Variants in HSDL2 observed in about 807,000 individuals in gnomAD.
HSDL2 encodes hydroxysteroid dehydrogenase-like protein 2.
Under a neutral mutation model 46.3 loss-of-function variants are expected in HSDL2, and 27 were observed. The ratio of observed to expected loss-of-function variants is 0.58; its 90% CI spans 0.43 to 0.80. HSDL2 has a LOEUF of 0.80. HSDL2 is among the 30% of genes least tolerant of loss of function. The pLI is 0.00. For synonymous variants in HSDL2, 153 were observed against 163.6 expected (o/e 0.94, Z 0.50); for missense variants, 451 against 502.7 (o/e 0.90, Z 0.98).
At chr9:112,462,983 G>A (rs1370242202) in intron 10 of HSDL2, among the ~76,000 whole-genome samples, 1 of 152,092 alleles carries the variant, frequency 6.6e-6, no homozygotes, top group Non-Finnish European at 1.5e-5. Context: ...ACTTAGCATA[G>A]GCTTTTGATA....
chr9:112,425,935 C>A (rs1251463374), intron 6 of HSDL2, among the ~76,000 whole-genome samples: 2 of 151,948 alleles, frequency 1.3e-5, no homozygotes, highest in Non-Finnish European at 2.9e-5. Context: ...GAGATGGGGT[C>A]TTGCCATGTT....
chr9:112,396,537 A>G (rs1378269645), intron 1 of HSDL2, among the ~76,000 whole-genome samples: 1 of 152,170 alleles, frequency 6.6e-6, no homozygotes, highest in East Asian at 1.9e-4. Context: ...TAATTGAGCA[A>G]TTGACTCACC....
At chr9:112,401,352 A>G (rs1831587664) in intron 1 of HSDL2, among the ~76,000 whole-genome samples, 1 of 141,316 alleles carries the variant, frequency 7.1e-6, no homozygotes, top group African/African-American at 2.6e-5. Context: ...TAGCTACTTG[A>G]GTGGTGAGGC....
In HSDL2 at chr9:112,430,636, T is replaced by G. The variant is rs1165022472; in HGVS notation, c.599-7795T>G. ...CAGATTTTGGTGGCTGTGACCAGGATGACAGCAGTAAAGGTGGTGGACAGT... is the reference window on the plus strand; with the variant it reads ...CAGATTTTGGTGGCTGTGACCAGGAGGACAGCAGTAAAGGTGGTGGACAGT... On this transcript the variant is annotated intron_variant, in intron 6 of 10. Transcript: ENST00000398805. Among the ~76,000 whole-genome samples, 3 of 152,192 alleles carry G rather than the reference T, an allele frequency of 2.0e-5. No homozygotes were observed. In the East Asian group the frequency reaches 5.8e-4, roughly 29 times the overall value.
intron 6 of HSDL2, among the ~76,000 whole-genome samples, chr9:112,424,295 G>A (rs74747071): frequency 0.45 from 67,644 of 149,168 alleles, 15,645 homozygotes; most frequent in South Asian, 0.52. Flanking sequence ...CACTCCAGCC[G>A]GGGCGACAGA....
In HSDL2 at chr9:112,438,570, A is replaced by C; in HGVS notation, c.738A>C (p.Glu246Asp). 1 of 1,610,856 alleles carries C rather than the reference A, an allele frequency of 6.2e-7. No homozygotes were observed. The highest frequency in any genetic ancestry group is 8.5e-7 in the Non-Finnish European group (1 of 1,178,194). ...TTACTGGCAACTTTGTCATTGATGA[A>C]AATATCTTAAAAGAAGAAGGAATAG... ...KSFTGNFVIDENILKEEGIEN... is the reference protein window; with the variant it reads ...KSFTGNFVIDDNILKEEGIEN... The change falls in exon 7 of 11, where the codon GAA becomes GAC. Residue 246 changes from glutamate (E) to aspartate (D), a missense_variant. Glu to Asp is a conservative substitution (Grantham distance 45). Transcript: ENST00000398805.
chr9:112,433,743 TTAGACGA>T (rs1389454776), intron 6 of HSDL2: 1 of 152,292 alleles, frequency 6.6e-6, no homozygotes, highest in African/African-American at 2.4e-5. Flanking sequence ...TCTCCTCATC[TTAGACGA>T]CAGCGTAGAG....
intron 6 of HSDL2, among the ~76,000 whole-genome samples, chr9:112,424,300 G>A (rs1164433356): frequency 7.6e-5 from 11 of 144,440 alleles, no homozygotes; most frequent in South Asian, 6.5e-4. Flanking sequence ...CAGCCGGGGC[G>A]ACAGAGCGAG....
rs577377517 is a variant in HSDL2 at position 112,390,332 on chromosome 9, G to A, written c.17+10152G>A. Among the ~76,000 whole-genome samples the A allele has an allele frequency of 1.2e-4, 18 of 152,256 alleles. No homozygotes were observed. In the East Asian group the frequency reaches 3.3e-3, roughly 28 times the overall value. On this transcript the variant is annotated intron_variant, in intron 1 of 10. Coordinates refer to ENST00000398805, the MANE Select transcript of HSDL2 (RefSeq NM_032303.5). ...TTTATGACAGAGCTGATATTGAAGA[G>A]CAGTGGGAAAGATGGGCATTTCAGA...
intron 1 of HSDL2, among the ~76,000 whole-genome samples, chr9:112,381,086 G>GACACACACACAC (rs1336369359): frequency 4.9e-5 from 1 of 20,530 alleles, no homozygotes; most frequent in African/African-American, 2.4e-4. Context: ...TATACATCCG[G>GACACACACACAC]ATACACACAC....
intron 8 of HSDL2, among the ~76,000 whole-genome samples, chr9:112,448,795 T>G (rs1252616717): frequency 6.6e-6 from 1 of 152,068 alleles, no homozygotes; most frequent in African/African-American, 2.4e-5. Flanking sequence ...GACTTCATGA[T>G]CCACCCGCCT....
intron 10 of HSDL2, among the ~76,000 whole-genome samples, chr9:112,463,676 A>C (rs1420644908): frequency 9.8e-6 from 1 of 101,626 alleles, no homozygotes; most frequent in South Asian, 4.1e-4. Flanking sequence ...GTATTTATTT[A>C]TTTTTTGAGA....
intron 1 of HSDL2, among the ~76,000 whole-genome samples, chr9:112,401,368 G>C (rs1216410324): frequency 7.9e-6 from 1 of 127,086 alleles, no homozygotes; most frequent in Non-Finnish European, 1.6e-5. Context: ...GAGGCAGAAA[G>C]ATCACTTAAG....
chr9:112,465,732 C>T (rs532766669), intron 10 of HSDL2, among the ~76,000 whole-genome samples: 1 of 152,218 alleles, frequency 6.6e-6, no homozygotes, highest in South Asian at 2.1e-4. Flanking sequence ...TGTATCAGCA[C>T]CTCATTTCTT....
chr9:112,384,522 G>A (rs901795106), intron 1 of HSDL2, among the ~76,000 whole-genome samples: 6 of 151,878 alleles, frequency 4.0e-5, no homozygotes, highest in Admixed American at 6.6e-5. Context: ...ACATTTTCTT[G>A]TAAATACTTA....
intron 1 of HSDL2, among the ~76,000 whole-genome samples, chr9:112,386,429 T>G (rs1223758454): frequency 6.6e-6 from 1 of 152,128 alleles, no homozygotes; most frequent in Non-Finnish European, 1.5e-5. Context: ...AATGTATAAC[T>G]GAATTATTAT....
Position 112,382,788 on chromosome 9 carries a change from T to A in HSDL2, c.17+2608T>A, listed in dbSNP as rs147562843. On this transcript the variant is annotated intron_variant, in intron 1 of 10. Transcript: ENST00000398805. ...TGAGGGCTCTGTGTATTTTAAAAATTTGTCTTTTATCACATTACAAATATT... is the reference window on the plus strand; with the variant it reads ...TGAGGGCTCTGTGTATTTTAAAAATATGTCTTTTATCACATTACAAATATT... 1.2e-3 allele frequency among the ~76,000 whole-genome samples: 187 copies of A among 152,334 alleles called. 2 individuals carry two copies. The East Asian group carries it at 0.034, about 28-fold the overall frequency.
chr9:112,459,002 A>G (rs927902596), intron 9 of HSDL2, among the ~76,000 whole-genome samples: 4 of 12,760 alleles, frequency 3.1e-4, no homozygotes, highest in African/African-American at 6.9e-4. Context: ...AAAGAAAAAG[A>G]AAACAAAAAA....
In HSDL2 at chr9:112,471,969, T is replaced by C. The variant is rs1226405346; in HGVS notation, c.*1425T>C. 1.3e-5 allele frequency: 2 copies of C among 152,186 alleles called. No homozygotes were observed. The highest frequency in any genetic ancestry group is 2.9e-5 in the Non-Finnish European group (2 of 68,038). 9.4% of individuals were successfully genotyped at this position (152,186 alleles called of 1,614,324 possible). A position where few individuals can be genotyped will look rare whatever the true frequency, so the allele number is the denominator to read the frequency against. ...AAGTTAGGAAGCAGAGGATCAGAGA[T>C]GGGAAAGGACTAGCCCAAGGCCAAC... On this transcript the variant is annotated 3_prime_UTR_variant, in exon 11 of 11. Coordinates refer to ENST00000398805, the MANE Select transcript of HSDL2 (RefSeq NM_032303.5).
Sources: allele counts gnomAD v4.1 joint callset (sites outside exome capture counted in the v4.1 genomes callset), GRCh38; gene constraint gnomAD v4.1.1; transcripts MANE v1.5; gene names NCBI Gene and HGNC (gene_info 2026-07-23, HGNC 2026-07-21).